ADGB: variants seen among roughly 807,000 people sequenced by gnomAD.
ADGB encodes the protein androglobin.
A neutral mutation model predicts 210.5 loss-of-function variants in ADGB; 172 were observed. The ratio of observed to expected loss-of-function variants is 0.82; its 90% confidence interval spans 0.72 to 0.93. The LOEUF is 0.93. ADGB is among the 40% of genes least tolerant of loss of function. The pLI, the probability that ADGB is intolerant of heterozygous loss-of-function variation, is 0.00. For synonymous variants in ADGB, 658 were observed against 662.7 expected (o/e 0.99, Z 0.11); for missense variants, 2,025 against 1,964.8 (o/e 1.03, Z -0.58).
chr6:146,802,233 C>T, intron 35 of ADGB: 1 of 275,998 alleles, frequency 3.6e-6, no homozygotes, highest in Non-Finnish European at 6.5e-6. Context: ...AATCTATCCT[C>T]AAAGATGGGA....
intron 4 of ADGB, among the ~76,000 whole-genome samples, chr6:146,655,166 T>C (rs1369817073): frequency 1.3e-5 from 2 of 152,286 alleles, no homozygotes; most frequent in East Asian, 3.9e-4. Context: ...TCTGTTCTCC[T>C]GCCCCTGGTC....
chr6:146,734,277 G>A (rs940275332), intron 22 of ADGB, among the ~76,000 whole-genome samples: 2 of 152,172 alleles, frequency 1.3e-5, no homozygotes, highest in African/African-American at 4.8e-5. Flanking sequence ...GTGAAAAAAT[G>A]AATGCATTAT....
At chr6:146,682,410 A>G (rs1197768354) in intron 9 of ADGB, among the ~76,000 whole-genome samples, 1 of 152,206 alleles carries the variant, frequency 6.6e-6, no homozygotes, top group Non-Finnish European at 1.5e-5. Context: ...TGTAGGCCAT[A>G]TAAGACTCAT....
At chr6:146,744,873 T>C (rs189198074) in intron 25 of ADGB, among the ~76,000 whole-genome samples, 1 of 152,330 alleles carries the variant, frequency 6.6e-6, no homozygotes, top group African/African-American at 2.4e-5. Flanking sequence ...ATTCTGAGTC[T>C]GAGCAAAAAC....
chr6:146,623,327 A>T (rs1158112596), intron 1 of ADGB, among the ~76,000 whole-genome samples: 1 of 151,952 alleles, frequency 6.6e-6, no homozygotes, highest in African/African-American at 2.4e-5. Context: ...TGGTCTATCT[A>T]TTCATTTATT....
chr6:146,646,350 A>C (rs933940141), intron 3 of ADGB, among the ~76,000 whole-genome samples: 1 of 152,112 alleles, frequency 6.6e-6, no homozygotes, highest in African/African-American at 2.4e-5. Flanking sequence ...TTAGAGTCAA[A>C]AGACTTACAG....
At position 146,796,107 on chromosome 6, in the gene ADGB, A is replaced by C. The variant is rs141780721; in HGVS notation, c.4538-5076A>C. 5.1e-3 allele frequency among the ~76,000 whole-genome samples: 779 copies of C among 152,278 alleles called. 7 individuals carry two copies. The highest frequency in any genetic ancestry group is 0.018 in the African/African-American group (731 of 41,562). On this transcript the variant is annotated intron_variant, in intron 33 of 35. Coordinates refer to ENST00000397944, the MANE Select transcript of ADGB (RefSeq NM_024694.4). ...CTCAATCTCTTTCATAATAGCTGCA[A>C]AGAAAAAAAACTTAGGAATTTACCT...
Position 146,717,018 on chromosome 6 carries a change from G to A in ADGB, c.1877G>A (p.Ser626Asn). 1 of 1,551,520 alleles carries A rather than the reference G, an allele frequency of 6.4e-7. No individual in the cohort carries two copies. The highest frequency in any genetic ancestry group is 8.7e-7 in the Non-Finnish European group (1 of 1,146,894). Residue 626 changes from serine (S) to asparagine (N), a missense_variant, in exon 15 of 36, where the codon AGT (serine) becomes AAT (asparagine). Ser to Asn is a conservative substitution (Grantham distance 46). Transcript: ENST00000397944. ...SQEELPTTNN[S>N]VSKEIWLDFE... The stretch of plus-strand genomic sequence containing the variant: ...GAAGAACTTCCAACAACAAATAATA[G>A]TGTTTCTAAAGAAATATGGTTAGAT...
intron 1 of ADGB, among the ~76,000 whole-genome samples, chr6:146,607,018 T>G (rs1352674326): frequency 6.6e-6 from 1 of 152,240 alleles, no homozygotes; most frequent in Admixed American, 6.5e-5. Context: ...TGTTGATTTT[T>G]CCTATTCATG....
intron 20 of ADGB, among the ~76,000 whole-genome samples, chr6:146,731,239 C>T (rs1275804633): frequency 6.6e-6 from 1 of 152,104 alleles, no homozygotes; most frequent in African/African-American, 2.4e-5. Context: ...CCATAATTCA[C>T]CTGTAGAACA....
At chr6:146,691,041 A>G (rs1262122514) in intron 10 of ADGB, 75 bp from the exon 11 acceptor site, 2 of 1,300,220 alleles carry the variant, frequency 1.5e-6, no homozygotes, top group African/African-American at 3.0e-5. Context: ...TCTGTTCGTG[A>G]TAGTATTTTT....
rs146488270 is a variant in ADGB at position 146,749,956 on chromosome 6, C to T, written c.3366-2574C>T. Among the ~76,000 whole-genome samples, 460 of 152,230 alleles carry T rather than the reference C, an allele frequency of 3.0e-3. 3 individuals carry two copies. Among genetic ancestry groups the T allele is most frequent in the South Asian group, 0.02 (95 of 4,818 alleles). On this transcript the variant is annotated intron_variant, in intron 26 of 35. Coordinates refer to ENST00000397944, the MANE Select transcript of ADGB (RefSeq NM_024694.4). ...GATCCAATCACCTCCTACCAGGCTG[C>T]TCCTCCAACCCTGATTATCATAATT...
chr6:146,657,749 AG>A (rs1189526060), intron 5 of ADGB, among the ~76,000 whole-genome samples: 1 of 152,184 alleles, frequency 6.6e-6, no homozygotes, highest in Non-Finnish European at 1.5e-5. Context: ...GCTGTAGCTG[AG>A]GGGCCTGATC....
At chr6:146,709,546 T>C (rs994690687) in intron 13 of ADGB, among the ~76,000 whole-genome samples, 1 of 152,180 alleles carries the variant, frequency 6.6e-6, no homozygotes, top group African/African-American at 2.4e-5. Flanking sequence ...CAGCCTGAAA[T>C]CTGGTTCCAC....
chr6:146,679,788 A>T (rs1319563905), intron 9 of ADGB, among the ~76,000 whole-genome samples: 1 of 152,218 alleles, frequency 6.6e-6, no homozygotes, highest in Non-Finnish European at 1.5e-5. Context: ...CTTAAAAAGA[A>T]ACCTTGATGC....
chr6:146,770,894 C>G (rs1777641262), intron 29 of ADGB, among the ~76,000 whole-genome samples: 1 of 152,002 alleles, frequency 6.6e-6, no homozygotes, highest in Non-Finnish European at 1.5e-5. Flanking sequence ...TCGCACATTC[C>G]CTGGATAGTC....
chr6:146,601,505 TA>T (rs1396289341), intron 1 of ADGB, among the ~76,000 whole-genome samples: 1 of 152,212 alleles, frequency 6.6e-6, no homozygotes, highest in Non-Finnish European at 1.5e-5. Flanking sequence ...CCCATAGATG[TA>T]GGACAAAGTG....
intron 1 of ADGB, among the ~76,000 whole-genome samples, chr6:146,622,231 G>A (rs1780904603): frequency 6.6e-6 from 1 of 151,988 alleles, no homozygotes; most frequent in Admixed American, 6.6e-5. Flanking sequence ...CATGAAACAC[G>A]AGCCATTATT....
intron 33 of ADGB, among the ~76,000 whole-genome samples, chr6:146,799,891 C>T (rs541794899): frequency 6.6e-6 from 1 of 152,178 alleles, no homozygotes; most frequent in Non-Finnish European, 1.5e-5. Flanking sequence ...CTCACTGCAA[C>T]TTCTGCCGCC....
Sources: allele counts gnomAD v4.1 joint callset (sites outside exome capture counted in the v4.1 genomes callset), GRCh38; gene constraint gnomAD v4.1.1; transcripts MANE v1.5; gene names NCBI Gene and HGNC (gene_info 2026-07-23, HGNC 2026-07-21).